The following ANK2 variants were observed in gnomAD, a reference collection of about 807,000 sequenced individuals.
ANK2 encodes the protein ankyrin 2, also known as ankyrin-2.
ANK2 carries 83 observed loss-of-function variants against 360.5 expected under a neutral mutation model. The observed-to-expected ratio is 0.23, with a 90% CI of 0.19 to 0.28. The LOEUF (loss-of-function observed/expected upper bound fraction) is 0.28. ANK2 is among the 10% of genes least tolerant of loss of function. ANK2 has a pLI of 1.00. For synonymous variants in ANK2, 1,740 were observed against 1,759.5 expected (o/e 0.99, Z 0.28); for missense variants, 4,201 against 4,795.7 (o/e 0.88, Z 3.66).
the ANK2 span, among the ~76,000 whole-genome samples, chr4:112,791,476 CTTCTTTTTTTTT>C: frequency 9.2e-5 from 9 of 98,292 alleles, no homozygotes; most frequent in South Asian, 3.5e-4. Context: ...TCTTCTTCTT[CTTCTTTTTTTTT>C]TTTTTTTTTT....
At position 113,357,185 on chromosome 4, in the gene ANK2, C is replaced by A. The variant is rs1564038156; in HGVS notation, c.8567C>A (p.Ser2856Tyr). 1.2e-6 allele frequency: 2 copies of A among 1,614,090 alleles called. No individual in the cohort carries two copies. The highest frequency in any genetic ancestry group is 8.5e-7 in the Non-Finnish European group (1 of 1,179,988). Residue 2856 changes from serine to tyrosine, a missense_variant, in exon 38 of 46, where the codon TCT (serine) becomes TAT (tyrosine). Ser to Tyr is a moderately radical substitution (Grantham distance 144, BLOSUM62 -2). Around this residue, in one of 4 missense-constraint regions of ANK2, gnomAD observed 2,642 missense variants for 2,714.5 expected, o/e 0.97. Transcript: ENST00000357077. ...TCCTCTTTGCCTCATTGTTTGGTAT[C>A]TGAAGGAAAAGAATTAGATGAAGAC... is the stretch of plus-strand genomic sequence containing the variant. ...SSSSLPHCLV[S>Y]EGKELDEDIS...
rs1564111365 is a variant in ANK2 at position 113,365,064 on chromosome 4, C to T, written c.10914C>T (p.Thr3638=). The change falls in exon 41 of 46, where the codon ACC becomes ACT. Residue 3638 remains threonine (T), a synonymous_variant. Coordinates refer to ENST00000357077, the MANE Select transcript of ANK2 (RefSeq NM_001148.6). The part of the protein sequence containing the change: ...ATDTNLVECL[T]KINRMDIVHL... ...ATACCAACCTCGTTGAATGTCTCAC[C>T]AAGATCAACCGAATGGATATTGTTC... is the stretch of plus-strand genomic sequence containing the variant. The T allele has an allele frequency of 3.1e-6, 5 of 1,613,886 alleles. No homozygotes were observed. The highest frequency in any genetic ancestry group is 3.4e-6 in the Non-Finnish European group (4 of 1,179,876).
At chr4:112,717,017 A>G in the ANK2 span, among the ~76,000 whole-genome samples, 2 of 152,216 alleles carry the variant, frequency 1.3e-5, no homozygotes, top group Non-Finnish European at 2.9e-5. Context: ...AAATTAAGCA[A>G]ACATTCTTTT....
At chr4:113,374,730 A>G in intron 45 of ANK2, 1 of 1,009,110 alleles carries the variant, frequency 9.9e-7, no homozygotes, top group East Asian at 9.8e-5. Flanking sequence ...TTTGGCAATC[A>G]GACATTGTCT....
chr4:113,307,697 C>T (rs1276472852), intron 23 of ANK2, among the ~76,000 whole-genome samples: 1 of 152,158 alleles, frequency 6.6e-6, no homozygotes, highest in Non-Finnish European at 1.5e-5. Context: ...GTCACCACGC[C>T]CGGCCGCCGT....
At chr4:113,076,560 C>G (rs1001317068) in intron 1 of ANK2, among the ~76,000 whole-genome samples, 1 of 152,080 alleles carries the variant, frequency 6.6e-6, no homozygotes, top group African/African-American at 2.4e-5. Context: ...CTTTGTGAGG[C>G]TGAGGTGAGA....
intron 1 of ANK2, chr4:113,141,297 C>T (rs2096627249): frequency 6.6e-6 from 1 of 152,152 alleles, no homozygotes; most frequent in Admixed American, 6.6e-5. Context: ...GTGAGTCTGT[C>T]AGGGAAACAC....
At chr4:113,330,602 A>C (rs2092157968) in intron 27 of ANK2, 132 bp downstream of exon 27, 1 of 891,212 alleles carries the variant, frequency 1.1e-6, no homozygotes, top group Non-Finnish European at 1.7e-6. Context: ...GACATTTTTA[A>C]AATTGGAAGT....
At chr4:112,825,351 A>C (rs892748849) in intron 1 of ANK2, among the ~76,000 whole-genome samples, 2 of 152,158 alleles carry the variant, frequency 1.3e-5, no homozygotes. Context: ...AAAAAAATTT[A>C]AAAAAAGAAA....
intron 1 of ANK2, among the ~76,000 whole-genome samples, chr4:112,820,119 G>A (rs561102447): frequency 3.9e-5 from 6 of 152,318 alleles, no homozygotes; most frequent in Non-Finnish European, 8.8e-5. Flanking sequence ...ACACAGTAAT[G>A]TGAAAAGAAA....
Position 113,159,019 on chromosome 4 carries a change from C to G in ANK2, c.85-15397C>G, listed in dbSNP as rs149512618. ...AAAAAAAGGTAAGGTAATATCCTCC[C>G]CAGGGTTCTGTTATCATAGTAATCA... On this transcript the variant is annotated intron_variant, in intron 1 of 45. Transcript: ENST00000357077. Among the ~76,000 whole-genome samples the G allele has an allele frequency of 1.4e-4, 22 of 151,984 alleles. No homozygotes were observed. The East Asian group carries it at 4.3e-3, about 29-fold the overall frequency.
chr4:113,241,712 A>T (rs2040043903), intron 8 of ANK2, among the ~76,000 whole-genome samples: 1 of 152,176 alleles, frequency 6.6e-6, no homozygotes, highest in East Asian at 1.9e-4. Context: ...TGTTTTTAAG[A>T]ATCATAAAAC....
At chr4:112,804,868 G>A in the ANK2 span, among the ~76,000 whole-genome samples, 5 of 151,778 alleles carry the variant, frequency 3.3e-5, no homozygotes, top group African/African-American at 7.3e-5. Flanking sequence ...AGGCTGAGGC[G>A]GGAGGATTGC....
chr4:113,135,253 CTG>C (rs1446838304), intron 1 of ANK2, among the ~76,000 whole-genome samples: 10 of 152,080 alleles, frequency 6.6e-5, no homozygotes, highest in Admixed American at 6.6e-4. Context: ...TAAAGAAAAA[CTG>C]TGGAGAGAGG....
intron 43 of ANK2, among the ~76,000 whole-genome samples, chr4:113,370,809 A>G (rs944258955): frequency 1.3e-5 from 2 of 152,176 alleles, no homozygotes; most frequent in African/African-American, 4.8e-5. Flanking sequence ...AATGTGGTCT[A>G]TATAGTTCAC....
At chr4:112,826,786 T>C (rs1334536013) in intron 1 of ANK2, 2 of 1,018,106 alleles carry the variant, frequency 2.0e-6, no homozygotes, top group Non-Finnish European at 3.0e-6. Context: ...GGAAATAAAA[T>C]TCTGTTGCTT....
intron 1 of ANK2, among the ~76,000 whole-genome samples, chr4:112,895,959 A>G (rs368429576): frequency 4.4e-4 from 67 of 152,324 alleles, no homozygotes; most frequent in African/African-American, 1.3e-3. Context: ...CATTGCCCCA[A>G]TTGTGTTGCA....
At chr4:112,888,607 C>T (rs946755177) in intron 1 of ANK2, among the ~76,000 whole-genome samples, 5 of 151,650 alleles carry the variant, frequency 3.3e-5, no homozygotes, top group African/African-American at 2.4e-5. Context: ...GAGTCATGTC[C>T]GTTTTATAAC....
chr4:112,906,039 A>G (rs2085080077), intron 2 of ANK2, among the ~76,000 whole-genome samples: 1 of 152,318 alleles, frequency 6.6e-6, no homozygotes, highest in South Asian at 2.1e-4. Context: ...ATATATTCCA[A>G]TACATTTTGC....
Sources: gnomAD v4.1 joint callset for allele counts (sites outside exome capture counted in the v4.1 genomes callset) on GRCh38, gnomAD v4.1.1 for gene constraint, gnomAD v4.1.1 regional missense constraint, MANE v1.5 for transcripts, NCBI Gene and HGNC (gene_info 2026-07-23, HGNC 2026-07-21) for gene names.